Variants in MTO1 observed in about 807,000 individuals in gnomAD.
MTO1 encodes the protein 5-taurinomethyluridine-[tRNA] synthase subunit MTO1, mitochondrial.
A neutral mutation model predicts 71.6 loss-of-function variants in MTO1; 46 were observed. The observed-to-expected ratio is 0.64, with a 90% CI of 0.51 to 0.82. MTO1 has a LOEUF of 0.82. Ranked by LOEUF, MTO1 falls within the 40% of genes least tolerant of loss-of-function variation. The pLI, the probability that MTO1 is intolerant of heterozygous loss-of-function variation, is 0.00. For synonymous variants in MTO1, 297 were observed against 312.1 expected (o/e 0.95, Z 0.51); for missense variants, 773 against 867.5 (o/e 0.89, Z 1.37).
chr6:73,474,663 G>C (rs998934114), intron 4 of MTO1, among the ~76,000 whole-genome samples: 1 of 151,902 alleles, frequency 6.6e-6, no homozygotes, highest in Non-Finnish European at 1.5e-5. Context: ...GGCCAGGCTG[G>C]TTTTGAACTC....
intron 9 of MTO1, among the ~76,000 whole-genome samples, chr6:73,491,586 A>C (rs1362723178): frequency 6.6e-6 from 1 of 152,142 alleles, no homozygotes; most frequent in Non-Finnish European, 1.5e-5. Flanking sequence ...AATTCACAGG[A>C]CTGTAGGACT....
chr6:73,463,720 A>C (rs940907591), intron 1 of MTO1, among the ~76,000 whole-genome samples: 41 of 152,138 alleles, frequency 2.7e-4, no homozygotes, highest in African/African-American at 9.6e-4. Flanking sequence ...CTCATCATAC[A>C]TTCAGGTGGG....
intron 3 of MTO1, among the ~76,000 whole-genome samples, chr6:73,468,851 G>A (rs151310537): frequency 0.015 from 2,208 of 151,772 alleles, 38 homozygotes; most frequent in African/African-American, 0.041. Flanking sequence ...CAAGTGATCC[G>A]CCTACCTCCA....
rs1772290925 is a variant in MTO1 at position 73,506,521 on chromosome 6, T to C, written c.*5786T>C. 5.1e-5 allele frequency: 8 copies of C among 157,858 alleles called. No individual in the cohort carries two copies. The highest frequency in any genetic ancestry group is 1.4e-5 in the Non-Finnish European group (1 of 72,684). The allele number at this position is 157,858 out of a possible 1,614,324, so 9.8% of individuals were successfully genotyped here. On this transcript the variant is annotated 3_prime_UTR_variant, in exon 12 of 12. Coordinates refer to ENST00000498286, the MANE Select transcript of MTO1 (RefSeq NM_012123.4). ...TCCTCATTTTCTCTTGCCACTCCCA[T>C]GTAAGAAGTGCCTTTCGCCTCCCGC...
At chr6:73,489,093 T>G (rs1003340179) in intron 9 of MTO1, among the ~76,000 whole-genome samples, 5 of 152,216 alleles carry the variant, frequency 3.3e-5, no homozygotes, top group African/African-American at 4.8e-5. Context: ...CTTAGGTCTT[T>G]AATACATATT....
intron 10 of MTO1, among the ~76,000 whole-genome samples, chr6:73,493,350 ATGTATGTG>A (rs1256917888): frequency 2.2e-5 from 1 of 46,312 alleles, no homozygotes; most frequent in African/African-American, 8.4e-5. Context: ...TGAAATGTGC[ATGTATGTG>A]TGTGTGTGTG....
chr6:73,476,919 C>G (rs546950811), intron 4 of MTO1, among the ~76,000 whole-genome samples: 1 of 151,810 alleles, frequency 6.6e-6, no homozygotes, highest in Non-Finnish European at 1.5e-5. Context: ...TCCTCAGTAG[C>G]CGGGATTACA....
At position 73,466,423 on chromosome 6, in the gene MTO1, T is replaced by C. The variant is rs768270789; in HGVS notation, c.417+15T>C. 2 of 1,613,810 alleles carry C rather than the reference T, an allele frequency of 1.2e-6. No homozygotes were observed. The highest frequency in any genetic ancestry group is 3.3e-5 in the Admixed American group (2 of 59,998). On this transcript the variant is annotated intron_variant, in intron 2 of 11. Transcript: ENST00000498286. ...AGAACATGCAGGTAAGAATAGGGCA[T>C]GAGCACAGGAAAGATTATAGTGATT...
intron 9 of MTO1, chr6:73,486,555 T>A (rs1771658615): frequency 2.3e-6 from 1 of 427,998 alleles, no homozygotes; most frequent in Admixed American, 2.5e-5. Context: ...CTGGCCAACA[T>A]GGTGAAACCT....
At position 73,461,933 on chromosome 6, in the gene MTO1, A is replaced by T. The variant is rs1240435216; in HGVS notation, c.79A>T (p.Ser27Cys). The T allele has an allele frequency of 6.2e-7, 1 of 1,614,262 alleles. No individual in the cohort carries two copies. Residue 27 changes from serine (S) to cysteine (C), a missense_variant, in exon 1 of 12, where the codon AGT (serine) becomes TGT (cysteine). Physicochemically the swap from Ser to Cys is moderately radical, Grantham distance 112 (BLOSUM62 -1). Coordinates refer to ENST00000498286, the MANE Select transcript of MTO1 (RefSeq NM_012123.4). ...KQQFPLARLS[S>C]DSAAPRTPHF... ...GCAATTTCCGTTGGCACGGTTGAGC[A>T]GTGACAGCGCGGCGCCCCGGACTCC...
intron 9 of MTO1, among the ~76,000 whole-genome samples, chr6:73,488,771 A>C (rs1771728440): frequency 6.6e-6 from 1 of 151,898 alleles, no homozygotes; most frequent in Non-Finnish European, 1.5e-5. Context: ...AAAAAAAATT[A>C]GCCACGCATG....
intron 11 of MTO1, among the ~76,000 whole-genome samples, chr6:73,498,111 G>A (rs1772047806): frequency 6.6e-6 from 1 of 152,040 alleles, no homozygotes; most frequent in Non-Finnish European, 1.5e-5. Context: ...TACTCGGGAG[G>A]CTGAGGTGGC....
At chr6:73,480,561 C>G (rs1771459944) in intron 6 of MTO1, 114 bp from the exon 7 acceptor site, 1 of 1,350,866 alleles carries the variant, frequency 7.4e-7, no homozygotes, top group East Asian at 2.4e-5. Flanking sequence ...TGAGCCACTG[C>G]TCCTGACCTA....
At chr6:73,465,799 C>T (rs1185452812) in intron 1 of MTO1, among the ~76,000 whole-genome samples, 1 of 152,024 alleles carries the variant, frequency 6.6e-6, no homozygotes, top group Non-Finnish European at 1.5e-5. Context: ...CCAGCCTGGT[C>T]GACATGGTGA....
chr6:73,488,634 G>T (rs183962465), intron 9 of MTO1, among the ~76,000 whole-genome samples: 2 of 152,046 alleles, frequency 1.3e-5, no homozygotes. Context: ...TGTAGGCTGG[G>T]CATGGTAGCT....
At chr6:73,473,819 C>A (rs1216159670) in intron 4 of MTO1, among the ~76,000 whole-genome samples, 165 bp downstream of exon 4, 1 of 146,106 alleles carries the variant, frequency 6.8e-6, no homozygotes, top group Non-Finnish European at 1.5e-5. Flanking sequence ...TAAGGTCTCA[C>A]CTTGTCACCC....
intron 4 of MTO1, among the ~76,000 whole-genome samples, chr6:73,474,050 T>G (rs1174093612): frequency 6.6e-6 from 1 of 151,276 alleles, no homozygotes; most frequent in Non-Finnish European, 1.5e-5. Context: ...CCTCCCAAAG[T>G]GCTGGGATTG....
At position 73,505,045 on chromosome 6, in the gene MTO1, G is replaced by C. The variant is rs543319790; in HGVS notation, c.*4310G>C. On this transcript the variant is annotated 3_prime_UTR_variant, in exon 12 of 12. Transcript: ENST00000498286. Reference sequence around the variant, plus strand: ...ATTAAAATACAAAAATTAGCTGGGCGTGGTGGCATGCGCCTGTAATCCGAG... The same window carrying C: ...ATTAAAATACAAAAATTAGCTGGGCCTGGTGGCATGCGCCTGTAATCCGAG... 6.6e-6 allele frequency: 1 copy of C among 152,096 alleles called. No individual in the cohort carries two copies. The highest frequency in any genetic ancestry group is 6.6e-5 in the Admixed American group (1 of 15,256). The allele number at this position is 152,096 out of a possible 1,614,324, so 9.4% of individuals were successfully genotyped here.
In MTO1 at chr6:73,493,638, G is replaced by A. The variant is rs886367247; in HGVS notation, c.1756+1286G>A. Among the ~76,000 whole-genome samples the A allele has an allele frequency of 5.3e-5, 8 of 151,412 alleles. No homozygotes were observed. In the East Asian group the frequency reaches 5.9e-4, roughly 11 times the overall value. On this transcript the variant is annotated intron_variant, in intron 10 of 11. Coordinates refer to ENST00000498286, the MANE Select transcript of MTO1 (RefSeq NM_012123.4). ...ACTCCTGACCTCAGGTGATCCGCCC[G>A]CCTTGGCCTCCCAAAGTGCTGGGAT...
Sources: gnomAD v4.1 joint callset for allele counts (sites outside exome capture counted in the v4.1 genomes callset) on GRCh38, gnomAD v4.1.1 for gene constraint, MANE v1.5 for transcripts, NCBI Gene and HGNC (gene_info 2026-07-23, HGNC 2026-07-21) for gene names.